Variants in AGBL1 observed in about 807,000 individuals in gnomAD.
AGBL1 encodes the protein cytosolic carboxypeptidase 4.
In AGBL1, 130 loss-of-function variants were observed where a neutral mutation model predicts 118.9. The observed-to-expected ratio is 1.09, with a 90% CI of 0.95 to 1.26. The LOEUF (loss-of-function observed/expected upper bound fraction) is 1.26. AGBL1 is among the 50% of genes most tolerant of loss of function. AGBL1 has a pLI of 0.00. For synonymous variants in AGBL1, 555 were observed against 478.9 expected (o/e 1.16, Z -2.08); for missense variants, 1,584 against 1,298.1 (o/e 1.22, Z -3.38).
At chr15:86,376,948 G>T (rs1389815389) in intron 17 of AGBL1, among the ~76,000 whole-genome samples, 9 of 152,140 alleles carry the variant, frequency 5.9e-5, no homozygotes, top group Non-Finnish European at 1.3e-4. Context: ...CCTTGCAAAT[G>T]GTGGCACAGG....
chr15:86,776,226 G>A (rs781682698), intron 22 of AGBL1, among the ~76,000 whole-genome samples: 14 of 152,076 alleles, frequency 9.2e-5, no homozygotes, highest in Admixed American at 6.6e-4. Flanking sequence ...TTTCTTTACT[G>A]AGAGACAGTA....
chr15:86,580,677 T>G (rs1192524488), intron 21 of AGBL1, among the ~76,000 whole-genome samples: 3 of 152,142 alleles, frequency 2.0e-5, no homozygotes, highest in Non-Finnish European at 4.4e-5. Flanking sequence ...AGGGCATTCA[T>G]CACCCCAAAC....
At chr15:86,258,130 A>C in intron 9 of AGBL1, 99 bp downstream of exon 9, 1 of 1,270,790 alleles carries the variant, frequency 7.9e-7, no homozygotes. Flanking sequence ...GTAAATTTTA[A>C]GAACTGACTT....
intron 22 of AGBL1, among the ~76,000 whole-genome samples, chr15:86,844,809 A>G (rs779025077): frequency 3.3e-5 from 5 of 152,108 alleles, no homozygotes; most frequent in Non-Finnish European, 1.5e-5. Context: ...ATTTTGTCCT[A>G]TATTTCCATC....
At chr15:86,236,558 G>A (rs1426115788) in intron 6 of AGBL1, among the ~76,000 whole-genome samples, 1 of 152,090 alleles carries the variant, frequency 6.6e-6, no homozygotes, top group East Asian at 1.9e-4. Flanking sequence ...TTCTGTGATT[G>A]CATAGTGTTA....
intron 7 of AGBL1, among the ~76,000 whole-genome samples, chr15:86,248,369 T>C (rs78089637): frequency 5.4e-4 from 82 of 152,338 alleles, no homozygotes; most frequent in African/African-American, 1.9e-3. Context: ...TTCATTCATA[T>C]ATACTTAACA....
intron 22 of AGBL1, among the ~76,000 whole-genome samples, chr15:86,786,417 G>T (rs551078135): frequency 2.7e-4 from 41 of 152,030 alleles, no homozygotes; most frequent in African/African-American, 9.6e-4. Context: ...TCATCAATAC[G>T]TACAAAGGAT....
intron 18 of AGBL1, among the ~76,000 whole-genome samples, chr15:86,456,408 T>C (rs2082258560): frequency 6.6e-6 from 1 of 152,222 alleles, no homozygotes; most frequent in South Asian, 2.1e-4. Flanking sequence ...TTCAATTCAA[T>C]AGTTAAAGGG....
At position 86,961,356 on chromosome 15, in the gene AGBL1, G is replaced by A. The variant is rs919902674; in HGVS notation, c.3222-26631G>A. Among the ~76,000 whole-genome samples, 4 of 152,002 alleles carry A rather than the reference G, an allele frequency of 2.6e-5. No homozygotes were observed. The East Asian group carries it at 7.7e-4, about 29-fold the overall frequency. Reference sequence around the variant, plus strand: ...GGGTCCACTCTGCAGCTCTACTGTAGGATTTCTGAAAAATTGGTCAGTATA... The same window carrying A: ...GGGTCCACTCTGCAGCTCTACTGTAAGATTTCTGAAAAATTGGTCAGTATA... On this transcript the variant is annotated intron_variant, in intron 23 of 24. Coordinates refer to the AGBL1 transcript ENST00000441037.
chr15:86,373,390 A>G (rs77100437), intron 17 of AGBL1, among the ~76,000 whole-genome samples: 2,878 of 152,308 alleles, frequency 0.019, 32 homozygotes, highest in Middle Eastern at 0.071. Flanking sequence ...GGGACAGAAT[A>G]GTAATGGCTT....
intron 17 of AGBL1, among the ~76,000 whole-genome samples, chr15:86,387,829 T>A (rs16976677): frequency 0.11 from 16,168 of 152,168 alleles, 1,019 homozygotes; most frequent in African/African-American, 0.18. Context: ...GAATCCCCAC[T>A]CCTTTTTGGT....
At position 86,202,229 on chromosome 15, in the gene AGBL1, G is replaced by T. The variant is rs572670454; in HGVS notation, c.489-22685G>T. 1.1e-4 allele frequency among the ~76,000 whole-genome samples: 17 copies of T among 152,274 alleles called. No individual in the cohort carries two copies. The South Asian group carries it at 1.9e-3, about 17-fold the overall frequency. ...AATCCCTTGAACCCAGGAGGGAGAG[G>T]TTGCAGTGAGCCAAGACTGTGCCAC... On this transcript the variant is annotated intron_variant, in intron 5 of 22. Transcript: ENST00000614907.
At position 86,279,823 on chromosome 15, in the gene AGBL1, G is replaced by A. The variant is rs114227265; in HGVS notation, c.2220+40G>A. ...ATAGCATCACTCCAGCAGGACTGAA[G>A]GGGCTCTCTGAGGTTTTCCTGGGAA... On this transcript the variant is annotated intron_variant, in intron 16 of 22. Coordinates refer to ENST00000614907, the MANE Select transcript of AGBL1 (RefSeq NM_001386094.1). The A allele has an allele frequency of 1.6e-3, 2,546 of 1,606,108 alleles. 33 individuals are homozygous for A. In the African/African-American group the frequency reaches 0.028, roughly 18 times the overall value.
At chr15:86,309,528 A>G (rs112131689) in intron 17 of AGBL1, among the ~76,000 whole-genome samples, 5 of 152,278 alleles carry the variant, frequency 3.3e-5, no homozygotes, top group African/African-American at 1.2e-4. Context: ...TTGAGTATGT[A>G]TTTAGCTGTG....
At chr15:86,439,565 A>T (rs1038376201) in intron 18 of AGBL1, among the ~76,000 whole-genome samples, 1 of 152,254 alleles carries the variant, frequency 6.6e-6, no homozygotes, top group African/African-American at 2.4e-5. Flanking sequence ...GAATGCATAA[A>T]TGAATAAATA....
chr15:86,899,353 A>C (rs1048380124), intron 22 of AGBL1, among the ~76,000 whole-genome samples: 1 of 152,088 alleles, frequency 6.6e-6, no homozygotes. Flanking sequence ...TTTAAACCCA[A>C]AAAGGAAACA....
Position 86,486,647 on chromosome 15 carries a change from C to G in AGBL1, c.2556-36163C>G, listed in dbSNP as rs557785691. 2.0e-5 allele frequency among the ~76,000 whole-genome samples: 3 copies of G among 152,166 alleles called. No individual in the cohort carries two copies. The East Asian group carries it at 5.8e-4, about 29-fold the overall frequency. ...AACTTGAGAATTGTGATGAAATTAC[C>G]TTTATTATAGTACAGACTTTTTATT... is the stretch of plus-strand genomic sequence containing the variant. On this transcript the variant is annotated intron_variant, in intron 18 of 22. Coordinates refer to ENST00000614907, the MANE Select transcript of AGBL1 (RefSeq NM_001386094.1).
At chr15:86,893,170 C>G (rs1269907848) in intron 22 of AGBL1, among the ~76,000 whole-genome samples, 2 of 152,102 alleles carry the variant, frequency 1.3e-5, no homozygotes, top group Non-Finnish European at 2.9e-5. Flanking sequence ...CGGTGGAGCT[C>G]AGCTTTTTCA....
Position 86,154,570 on chromosome 15 carries a change from C to G in AGBL1, c.394+9C>G. On this transcript the variant is annotated intron_variant, in intron 4 of 22. Transcript: ENST00000614907. ...TGTGTTTGCCTCCAGTGGTAAGTGA[C>G]TCTATTGTGGCTCTCGGGGATGGCT... 1 of 1,601,340 alleles carries G rather than the reference C, an allele frequency of 6.2e-7. No homozygotes were observed. The highest frequency in any genetic ancestry group is 8.5e-7 in the Non-Finnish European group (1 of 1,172,868).
Sources: gnomAD v4.1 joint callset for allele counts (sites outside exome capture counted in the v4.1 genomes callset) on GRCh38, gnomAD v4.1.1 for gene constraint, MANE v1.5 for transcripts, NCBI Gene and HGNC (gene_info 2026-07-23, HGNC 2026-07-21) for gene names.